The following CELF2 variants were observed in gnomAD, a reference collection of about 807,000 sequenced individuals.
CELF2 encodes CUG triplet repeat RNA-binding protein 2.
A neutral mutation model predicts 62.6 loss-of-function variants in CELF2; 8 were observed. That is an observed-to-expected ratio of 0.13 (90% CI 0.07 to 0.23). The LOEUF is 0.23. Ranked by LOEUF, CELF2 falls within the 10% of genes least tolerant of loss-of-function variation. CELF2 has a pLI of 1.00. For synonymous variants in CELF2, 258 were observed against 250.0 expected (o/e 1.03, Z -0.30); for missense variants, 333 against 671.0 (o/e 0.50, Z 5.56).
chr10:11,268,221 G>C lies in CELF2; in HGVS notation c.618+1544G>C, dbSNP rs1186888565. Among the ~76,000 whole-genome samples, 2 of 151,630 alleles carry C rather than the reference G, an allele frequency of 1.3e-5. No individual in the cohort carries two copies. The highest frequency in any genetic ancestry group is 4.9e-5 in the African/African-American group (2 of 41,230). The stretch of plus-strand genomic sequence containing the variant: ...AAGATTAAAATGAAACTGCTGTTAG[G>C]GGCAAAAAAATAAAAAAGAAAACTC... On this transcript the variant is annotated intron_variant, in intron 6 of 12. Coordinates refer to ENST00000633077, the MANE Select transcript of CELF2 (RefSeq NM_001326342.2). This position sits in a 1 kb window ranked among gnomAD's most constrained non-coding sequence, Gnocchi z 4.7.
rs951652108 is a variant in CELF2, at chr10:10,993,773, G to T, written c.89+73774G>T. Among the ~76,000 whole-genome samples, 5 of 152,142 alleles carry T rather than the reference G, an allele frequency of 3.3e-5. No homozygotes were observed. Among genetic ancestry groups the T allele is most frequent in the Admixed American group, 2.6e-4 (4 of 15,270 alleles). On this transcript the variant is annotated intron_variant, in intron 2 of 13. Transcript: ENST00000636488. This position sits in a 1 kb window ranked among gnomAD's most constrained non-coding sequence, Gnocchi z 5.3. ...CTCAGCTGTGTTCTCCCCAAAATTTGTGTGTTGAAGTCCTAACCCTGGTAC... is the reference window on the plus strand; with the variant it reads ...CTCAGCTGTGTTCTCCCCAAAATTTTTGTGTTGAAGTCCTAACCCTGGTAC...
chr10:10,912,238 A>C (rs1591820217), intron 1 of CELF2, among the ~76,000 whole-genome samples: 1 of 152,210 alleles, frequency 6.6e-6, no homozygotes. Flanking sequence ...GCATAAAATT[A>C]CAGCCTCTGC....
intron 2 of CELF2, chr10:10,923,165 TG>T (rs2065079210): frequency 6.6e-6 from 1 of 152,226 alleles, no homozygotes; most frequent in Admixed American, 6.5e-5. Flanking sequence ...TAATGATTAG[TG>T]GAACATGACA....
At chr10:10,474,382 G>C in the CELF2 span, among the ~76,000 whole-genome samples, 1 of 151,986 alleles carries the variant, frequency 6.6e-6, no homozygotes, top group African/African-American at 2.4e-5. Context: ...GGTAGAAAAA[G>C]AGAAGTCACC....
chr10:11,170,337 A>G (rs868721923), intron 2 of CELF2, among the ~76,000 whole-genome samples: 2 of 152,194 alleles, frequency 1.3e-5, no homozygotes, highest in Non-Finnish European at 2.9e-5. Context: ...AGTAAATAGG[A>G]AATTTCTGAA....
the CELF2 span, among the ~76,000 whole-genome samples, chr10:10,693,596 C>T: frequency 1.2e-4 from 18 of 151,178 alleles, no homozygotes; most frequent in African/African-American, 4.1e-4. Flanking sequence ...GTACCAGTTC[C>T]TCCTTGTACC....
chr10:10,945,720 G>A (rs1217160923), intron 2 of CELF2, among the ~76,000 whole-genome samples: 4 of 152,196 alleles, frequency 2.6e-5, no homozygotes, highest in Admixed American at 1.3e-4. Context: ...TCACTGGCAT[G>A]AGCCCTGTGG....
chr10:11,267,447 G>A lies in CELF2; in HGVS notation c.618+770G>A, dbSNP rs1040676151. Among the ~76,000 whole-genome samples the A allele has an allele frequency of 6.6e-6, 1 of 152,146 alleles. No individual in the cohort carries two copies. Among genetic ancestry groups the A allele is most frequent in the East Asian group, 1.9e-4 (1 of 5,192 alleles). Reference sequence around the variant, plus strand: ...AAAAGCATTCCAAGAGTGATATGCCGTTACTTCTTCTGTATTGTCTGATAG... The same window carrying A: ...AAAAGCATTCCAAGAGTGATATGCCATTACTTCTTCTGTATTGTCTGATAG... On this transcript the variant is annotated intron_variant, in intron 6 of 12. Coordinates refer to ENST00000633077, the MANE Select transcript of CELF2 (RefSeq NM_001326342.2). This position sits in a 1 kb window ranked among gnomAD's most constrained non-coding sequence, Gnocchi z 4.4.
Position 11,243,352 on chromosome 10 carries a change from TGTTATTC to T in CELF2, c.355-5800_355-5794del, listed in dbSNP as rs2074586524. On this transcript the variant is annotated intron_variant, in intron 3 of 12. Transcript: ENST00000633077. The surrounding 1 kb of genome is among the most constrained non-coding windows in gnomAD (Gnocchi z 4.1). ...CCTTAACGTGCGGCTTTAGGCAAAA[TGTTATTC>T]AAAAAAAAAAAAAAAAAGCTTCTAA... Among the ~76,000 whole-genome samples, 1 of 143,512 alleles carries T rather than the reference TGTTATTC, an allele frequency of 7.0e-6. No homozygotes were observed. Among genetic ancestry groups the T allele is most frequent in the South Asian group, 2.2e-4 (1 of 4,514 alleles). The allele number at this position is 143,512 out of a possible 152,430, so 94.1% of individuals were successfully genotyped here. A position where few individuals can be genotyped will look rare whatever the true frequency, so the allele number is the denominator to read the frequency against.
chr10:11,140,034 A>T (rs564738663), intron 1 of CELF2, among the ~76,000 whole-genome samples: 1 of 152,304 alleles, frequency 6.6e-6, no homozygotes, highest in Admixed American at 6.5e-5. Flanking sequence ...CATTTAAAGT[A>T]AAATAGACAT....
chr10:11,334,507 G>A lies in CELF2; in HGVS notation c.*5454G>A, dbSNP rs1195829290. ...CCACTTAAGTGAATATCTGATTTGG[G>A]GAAGAGGAAACTGCACAGCAGCCAC... On this transcript the variant is annotated 3_prime_UTR_variant, in exon 13 of 13. Transcript: ENST00000633077. 1 of 152,592 alleles carries A rather than the reference G, an allele frequency of 6.6e-6. No homozygotes were observed. The highest frequency in any genetic ancestry group is 1.9e-4 in the East Asian group (1 of 5,192). The allele number at this position is 152,592 out of a possible 1,614,324, so 9.5% of individuals were successfully genotyped here.
rs35482385 is a variant in CELF2 at position 10,979,672 on chromosome 10, C to CAAAAAAAA, written c.89+59691_89+59698dup. On this transcript the variant is annotated intron_variant, in intron 2 of 13. Transcript: ENST00000636488. Reference sequence around the variant, plus strand: ...GGCGATAGAGCCAGACCTTGTCTCTCAAAAAAAAAAAAAAAAAAAAAAAAA... The same window carrying CAAAAAAAA: ...GGCGATAGAGCCAGACCTTGTCTCTCAAAAAAAAAAAAAAAAAAAAAAAAAAAAAAAAA... Among the ~76,000 whole-genome samples the CAAAAAAAA allele has an allele frequency of 8.1e-4, 56 of 68,960 alleles. 2 individuals are homozygous for CAAAAAAAA. Among genetic ancestry groups the CAAAAAAAA allele is most frequent in the African/African-American group, 2.6e-3 (55 of 21,214 alleles). 45.2% of individuals were successfully genotyped at this position (68,960 alleles called of 152,430 possible).
intron 1 of CELF2, among the ~76,000 whole-genome samples, chr10:10,841,261 T>A (rs560119050): frequency 6.6e-6 from 1 of 152,184 alleles, no homozygotes; most frequent in South Asian, 2.1e-4. Flanking sequence ...CTTAAAAGTG[T>A]CTTTCTCAAA....
At chr10:11,190,775 T>TAAAAAAAAA (rs11301213) in intron 2 of CELF2, among the ~76,000 whole-genome samples, 9 of 53,984 alleles carry the variant, frequency 1.7e-4, no homozygotes, top group African/African-American at 4.7e-4. Context: ...CTCTTTTCTT[T>TAAAAAAAAA]AAAAAAAAAA....
At chr10:10,472,924 G>A in the CELF2 span, among the ~76,000 whole-genome samples, 770 of 151,876 alleles carry the variant, frequency 5.1e-3, 9 homozygotes, top group African/African-American at 0.018. Context: ...CCCTTTCTAT[G>A]GGTTCTTCTA....
the CELF2 span, among the ~76,000 whole-genome samples, chr10:10,602,596 G>A: frequency 6.6e-6 from 1 of 152,144 alleles, no homozygotes; most frequent in Admixed American, 6.5e-5. Flanking sequence ...ACCAAACTCA[G>A]ACGTGGTGAT....
the CELF2 span, among the ~76,000 whole-genome samples, chr10:10,506,748 C>T: frequency 8.4e-6 from 1 of 119,522 alleles, no homozygotes; most frequent in African/African-American, 3.2e-5. Flanking sequence ...GCAATCTTGG[C>T]TCACTGCAAC....
At chr10:10,777,274 C>T in the CELF2 span, among the ~76,000 whole-genome samples, 2 of 152,166 alleles carry the variant, frequency 1.3e-5, no homozygotes, top group East Asian at 1.9e-4. Context: ...TCTGGGCCTA[C>T]GTATACTCTT....
chr10:11,091,907 G>A (rs1415528442), intron 1 of CELF2, among the ~76,000 whole-genome samples: 3 of 152,240 alleles, frequency 2.0e-5, no homozygotes, highest in Admixed American at 2.0e-4. Flanking sequence ...TTGGCTTAAA[G>A]TGCATTTGCA....
Sources: gnomAD v4.1 joint callset for allele counts (sites outside exome capture counted in the v4.1 genomes callset) on GRCh38, gnomAD v4.1.1 for gene constraint, Gnocchi (gnomAD v3.1) non-coding constraint, MANE v1.5 for transcripts, NCBI Gene and HGNC (gene_info 2026-07-23, HGNC 2026-07-21) for gene names.